The following ABCC9 variants were observed in gnomAD, a reference collection of about 807,000 sequenced individuals.
The protein encoded by ABCC9 is ATP-binding cassette sub-family C member 9.
In ABCC9, 95 loss-of-function variants were observed where a neutral mutation model predicts 188.3. The ratio of observed to expected loss-of-function variants is 0.50; its 90% CI spans 0.43 to 0.60. The LOEUF is 0.60. ABCC9 is among the 20% of genes least tolerant of loss of function. The pLI, the probability that ABCC9 is intolerant of heterozygous loss-of-function variation, is 0.00. For missense variants in ABCC9, 1,102 were observed against 1,876.3 expected, an observed-to-expected ratio of 0.59 and a Z score of 7.62; for synonymous variants, 659 against 652.7, an observed-to-expected ratio of 1.01 and a Z score of -0.15.
Position 21,939,279 on chromosome 12 carries a change from A to ATTTATCC in ABCC9, c.-21+1424_-21+1430dup, listed in dbSNP as rs1949606465. 2.0e-5 allele frequency among the ~76,000 whole-genome samples: 3 copies of ATTTATCC among 152,074 alleles called. No homozygotes were observed. In the South Asian group the frequency reaches 6.2e-4, roughly 32 times the overall value. On this transcript the variant is annotated intron_variant, in intron 2 of 39. Transcript: ENST00000261200. ...CTTTCACCTTTTCTTTTGACTCCTC[A>ATTTATCC]TTTATCCTTTCCCTTTAACCCGTAG...
intron 16 of ABCC9, among the ~76,000 whole-genome samples, chr12:21,876,217 T>C (rs143403415): frequency 3.3e-5 from 5 of 152,288 alleles, no homozygotes; most frequent in Middle Eastern, 3.4e-3. Context: ...ATTTGCGATA[T>C]TATGAAGAAT....
intron 14 of ABCC9, among the ~76,000 whole-genome samples, chr12:21,889,086 C>T (rs1201159232): frequency 1.3e-5 from 2 of 152,056 alleles, no homozygotes; most frequent in Non-Finnish European, 2.9e-5. Context: ...GACACAATAA[C>T]AAAATGAGAA....
intron 3 of ABCC9, among the ~76,000 whole-genome samples, chr12:21,934,145 G>T (rs984025616): frequency 6.6e-6 from 1 of 151,954 alleles, no homozygotes; most frequent in Non-Finnish European, 1.5e-5. Context: ...AACATTTGTG[G>T]CATTACTCAG....
intron 11 of ABCC9, among the ~76,000 whole-genome samples, chr12:21,907,222 C>T (rs1290501603): frequency 1.3e-5 from 2 of 152,008 alleles, no homozygotes; most frequent in Non-Finnish European, 2.9e-5. Flanking sequence ...CCCTTCCACA[C>T]CTTTCTGTAT....
rs574991332 is a variant in ABCC9 at position 21,912,704 on chromosome 12, G to A, written c.1011+168C>T. ...ATTCAATGAATAAATACATAAACAC[G>A]TGATTTTTTTCTAAAAGGAAAATTA... On this transcript the variant is annotated intron_variant, in intron 8 of 39. Coordinates refer to ENST00000261200, the MANE Select transcript of ABCC9 (RefSeq NM_020297.4). 8.6e-5 allele frequency among the ~76,000 whole-genome samples: 13 copies of A among 151,844 alleles called. No homozygotes were observed. In the South Asian group the frequency reaches 2.3e-3, roughly 27 times the overall value.
intron 37 of ABCC9, 50 bp from the exon 38 acceptor site, chr12:21,807,529 T>C (rs372794524): frequency 6.8e-6 from 11 of 1,611,938 alleles, no homozygotes; most frequent in South Asian, 1.1e-5. Flanking sequence ...GCTACTAACA[T>C]TTACCTTGGA....
chr12:21,865,991 C>G (rs1191135498), intron 18 of ABCC9, among the ~76,000 whole-genome samples: 1 of 151,590 alleles, frequency 6.6e-6, no homozygotes, highest in East Asian at 1.9e-4. Context: ...GAGCACCAAG[C>G]CACTTTTAGC....
At chr12:21,864,824 C>A (rs1392811236) in intron 18 of ABCC9, among the ~76,000 whole-genome samples, 2 of 152,106 alleles carry the variant, frequency 1.3e-5, no homozygotes, top group African/African-American at 4.8e-5. Flanking sequence ...TTCATAAGGA[C>A]TCTGTATTTC....
At chr12:21,826,817 G>A (rs953608846) in intron 31 of ABCC9, among the ~76,000 whole-genome samples, 1 of 152,122 alleles carries the variant, frequency 6.6e-6, no homozygotes, top group South Asian at 2.1e-4. Flanking sequence ...ATCAACAAAC[G>A]TTTCTTGCCA....
chr12:21,864,595 A>G, intron 18 of ABCC9, 118 bp from the exon 19 acceptor site: 2 of 735,176 alleles, frequency 2.7e-6, no homozygotes, highest in African/African-American at 1.8e-5. Flanking sequence ...ACATTTCCCA[A>G]ATGGTTTCTG....
Position 21,919,157 on chromosome 12 carries a change from C to T in ABCC9, c.407-2054G>A, listed in dbSNP as rs530890367. ...AGCTCAGGAAAGAATAAAAAAGGAT[C>T]CCCCAAAAAAGATGAAAACAATAGA... On this transcript the variant is annotated intron_variant, in intron 5 of 39. Coordinates refer to ENST00000261200, the MANE Select transcript of ABCC9 (RefSeq NM_020297.4). Among the ~76,000 whole-genome samples, 8 of 151,478 alleles carry T rather than the reference C, an allele frequency of 5.3e-5. No individual in the cohort carries two copies. The East Asian group carries it at 1.6e-3, about 29-fold the overall frequency.
At chr12:21,908,254 TG>T in intron 10 of ABCC9, 43 bp from the exon 11 acceptor site, 1 of 1,603,358 alleles carries the variant, frequency 6.2e-7, no homozygotes, top group African/African-American at 1.3e-5. Flanking sequence ...GAATGGGTTG[TG>T]GGAGCCATTG....
chr12:21,810,103 C>T (rs1942125046), intron 36 of ABCC9, 148 bp from the exon 37 acceptor site: 3 of 631,606 alleles, frequency 4.7e-6, no homozygotes, highest in Non-Finnish European at 5.6e-6. Context: ...GTGCCCAGAG[C>T]AGTGCAAGCA....
chr12:21,848,355 C>T (rs1020840445), intron 24 of ABCC9, 109 bp from the exon 25 acceptor site: 4 of 939,166 alleles, frequency 4.3e-6, no homozygotes, highest in Non-Finnish European at 5.1e-6. Flanking sequence ...CAATCTCAAG[C>T]GCTCTGTGCT....
chr12:21,842,757 T>C lies in ABCC9; in HGVS notation c.3316-286A>G, dbSNP rs375362392. Among the ~76,000 whole-genome samples, 29 of 152,344 alleles carry C rather than the reference T, an allele frequency of 1.9e-4. 2 individuals carry two copies. Among genetic ancestry groups the C allele is most frequent in the African/African-American group, 7.0e-4 (29 of 41,588 alleles). On this transcript the variant is annotated intron_variant, in intron 28 of 39. Coordinates refer to ENST00000261200, the MANE Select transcript of ABCC9 (RefSeq NM_020297.4). ...ATTATTCATTCATGTGTTTGTTTACTGAGCAAGACAGACTGTAAATCTTCC... is the reference window on the plus strand; with the variant it reads ...ATTATTCATTCATGTGTTTGTTTACCGAGCAAGACAGACTGTAAATCTTCC...
At chr12:21,848,949 C>A (rs1283822) in intron 24 of ABCC9, among the ~76,000 whole-genome samples, 83,558 of 151,956 alleles carry the variant, frequency 0.55, 23,759 homozygotes, top group African/African-American at 0.66. Context: ...AGGGTAGAAT[C>A]ATTTCATTTT....
At chr12:21,900,983 A>G (rs994055415) in intron 12 of ABCC9, among the ~76,000 whole-genome samples, 1 of 152,134 alleles carries the variant, frequency 6.6e-6, no homozygotes, top group Non-Finnish European at 1.5e-5. Context: ...GAGAAGAGCA[A>G]CTCCAAGACA....
Position 21,814,542 on chromosome 12 carries a change from C to G in ABCC9, c.4102+102G>C, listed in dbSNP as rs1591958127. On this transcript the variant is annotated intron_variant, in intron 35 of 39. Coordinates refer to ENST00000261200, the MANE Select transcript of ABCC9 (RefSeq NM_020297.4). Reference sequence around the variant, plus strand: ...TGAACCATGTGTAGAGCACAAAGTCCTTATAAATATTTGCTTTTGATTTCT... The same window carrying G: ...TGAACCATGTGTAGAGCACAAAGTCGTTATAAATATTTGCTTTTGATTTCT... The G allele has an allele frequency of 8.2e-6, 8 of 977,028 alleles. No individual in the cohort carries two copies. The Middle Eastern group carries it at 1.7e-3, about 202-fold the overall frequency. 60.5% of individuals were successfully genotyped at this position (977,028 alleles called of 1,614,324 possible). A position where few individuals can be genotyped will look rare whatever the true frequency, so the allele number is the denominator to read the frequency against.
At chr12:21,871,914 C>A (rs10437761) in intron 18 of ABCC9, among the ~76,000 whole-genome samples, 1 of 152,158 alleles carries the variant, frequency 6.6e-6, no homozygotes, top group Non-Finnish European at 1.5e-5. Context: ...AAACTACTTA[C>A]GAGGAGTCTA....
Sources: gnomAD v4.1 joint callset for allele counts (sites outside exome capture counted in the v4.1 genomes callset) on GRCh38, gnomAD v4.1.1 for gene constraint, MANE v1.5 for transcripts, NCBI Gene and HGNC (gene_info 2026-07-23, HGNC 2026-07-21) for gene names.